KHDRBS2: variants seen among roughly 807,000 people sequenced by gnomAD.
KHDRBS2 encodes KH RNA binding domain containing, signal transduction associated 2.
Under a neutral mutation model 44.3 loss-of-function variants are expected in KHDRBS2, and 26 were observed. The observed-to-expected ratio is 0.59, with a 90% CI of 0.43 to 0.81. The LOEUF (loss-of-function observed/expected upper bound fraction) is 0.81. Among genes scored for constraint, KHDRBS2 ranks in the 40% least tolerant of loss-of-function variants. The pLI, the probability that KHDRBS2 is intolerant of heterozygous loss-of-function variation, is 0.00. For synonymous variants in KHDRBS2, 194 were observed against 151.1 expected (o/e 1.28, Z -2.08); for missense variants, 476 against 433.1 (o/e 1.10, Z -0.88).
chr6:61,863,072 TA>T (rs1233313775), intron 6 of KHDRBS2, among the ~76,000 whole-genome samples: 2 of 152,112 alleles, frequency 1.3e-5, no homozygotes, highest in African/African-American at 4.8e-5. Context: ...TTTATATGTA[TA>T]GAGGTGTTAT....
At chr6:61,861,660 G>T (rs1307892) in intron 6 of KHDRBS2, among the ~76,000 whole-genome samples, 21,665 of 147,378 alleles carry the variant, frequency 0.15, 2,141 homozygotes, top group South Asian at 0.23. Context: ...CTCCAGTTTT[G>T]TTTTTTTTTT....
chr6:61,766,055 T>C (rs1378196198), intron 6 of KHDRBS2, among the ~76,000 whole-genome samples: 2 of 152,098 alleles, frequency 1.3e-5, no homozygotes, highest in Non-Finnish European at 2.9e-5. Context: ...AGGATTGGTG[T>C]TAGTTCTTCT....
At chr6:61,954,226 T>C (rs972433152) in intron 4 of KHDRBS2, among the ~76,000 whole-genome samples, 3 of 151,820 alleles carry the variant, frequency 2.0e-5, no homozygotes, top group African/African-American at 4.8e-5. Flanking sequence ...ACTCAGTCAA[T>C]AGGGATGTGT....
intron 2 of KHDRBS2, among the ~76,000 whole-genome samples, chr6:62,070,128 A>G (rs1014439743): frequency 6.6e-6 from 1 of 151,786 alleles, no homozygotes; most frequent in Non-Finnish European, 1.5e-5. Context: ...TACAGAAGTT[A>G]AACCTATTTG....
chr6:61,847,725 T>C, intron 6 of KHDRBS2, among the ~76,000 whole-genome samples: 1 of 152,126 alleles, frequency 6.6e-6, no homozygotes, highest in East Asian at 1.9e-4. Context: ...TAAAAGTGTT[T>C]TCTTTCTCTA....
At chr6:62,074,644 G>GT (rs1243273714) in intron 2 of KHDRBS2, among the ~76,000 whole-genome samples, 1 of 151,742 alleles carries the variant, frequency 6.6e-6, no homozygotes, top group African/African-American at 2.4e-5. Flanking sequence ...GAACTTTAAA[G>GT]TTTTTAAAAA....
At chr6:61,739,056 C>A (rs1775790928) in intron 6 of KHDRBS2, among the ~76,000 whole-genome samples, 2 of 151,846 alleles carry the variant, frequency 1.3e-5, no homozygotes, top group Admixed American at 6.6e-5. Flanking sequence ...CATACAAATT[C>A]ATTAAACCTT....
chr6:62,213,636 A>T (rs1209255814), intron 1 of KHDRBS2, among the ~76,000 whole-genome samples: 1 of 151,914 alleles, frequency 6.6e-6, no homozygotes, highest in Non-Finnish European at 1.5e-5. Flanking sequence ...AAAGAATGGG[A>T]GGCTGAGACG....
the KHDRBS2 span, among the ~76,000 whole-genome samples, chr6:61,542,711 T>G: frequency 3.1e-4 from 47 of 151,980 alleles, no homozygotes; most frequent in African/African-American, 1.1e-3. Flanking sequence ...GTTTATTATT[T>G]ACAAGGCATC....
the KHDRBS2 span, among the ~76,000 whole-genome samples, chr6:61,548,251 A>T: frequency 1.3e-5 from 2 of 152,162 alleles, no homozygotes; most frequent in Admixed American, 6.6e-5. Flanking sequence ...AAGCCAAAAC[A>T]TGAGATATTT....
chr6:61,951,117 A>G (rs557327858), intron 4 of KHDRBS2, among the ~76,000 whole-genome samples: 35 of 152,188 alleles, frequency 2.3e-4, no homozygotes, highest in African/African-American at 8.4e-4. Flanking sequence ...AATACTTTCA[A>G]TATTTCAAAA....
At chr6:62,239,567 C>A (rs1289915247) in intron 1 of KHDRBS2, among the ~76,000 whole-genome samples, 1 of 110,952 alleles carries the variant, frequency 9.0e-6, no homozygotes, top group Non-Finnish European at 1.8e-5. Flanking sequence ...AGTTAGACCC[C>A]ATCTCAATTA....
chr6:62,010,081 C>A (rs1780015748), intron 3 of KHDRBS2, among the ~76,000 whole-genome samples: 1 of 152,102 alleles, frequency 6.6e-6, no homozygotes, highest in African/African-American at 2.4e-5. Context: ...CAATGCCAGC[C>A]CATGAAGGCA....
chr6:61,582,723 A>G, the KHDRBS2 span, among the ~76,000 whole-genome samples: 5 of 151,628 alleles, frequency 3.3e-5, no homozygotes, highest in African/African-American at 1.2e-4. Context: ...TTGTTTTAGA[A>G]GCACAGAGAT....
At chr6:62,042,910 G>A (rs1404670595) in intron 3 of KHDRBS2, among the ~76,000 whole-genome samples, 2 of 152,014 alleles carry the variant, frequency 1.3e-5, no homozygotes, top group Non-Finnish European at 2.9e-5. Context: ...ATAATCATGA[G>A]ACTGCTTTAA....
intron 3 of KHDRBS2, 139 bp from the exon 4 acceptor site, chr6:61,978,351 T>C (rs2127403335): frequency 1.7e-6 from 1 of 579,292 alleles, no homozygotes; most frequent in Non-Finnish European, 2.9e-6. Context: ...AGAAACCCTT[T>C]GAGAAATAAA....
chr6:61,871,215 A>G (rs1228974260), intron 6 of KHDRBS2, among the ~76,000 whole-genome samples: 1 of 152,176 alleles, frequency 6.6e-6, no homozygotes, highest in African/African-American at 2.4e-5. Flanking sequence ...AAGCATACAC[A>G]AGTATCCATA....
intron 7 of KHDRBS2, among the ~76,000 whole-genome samples, chr6:61,708,559 A>C (rs1285241070): frequency 6.6e-6 from 1 of 151,606 alleles, no homozygotes; most frequent in Non-Finnish European, 1.5e-5. Flanking sequence ...TTATTACTGT[A>C]TTATTTACTT....
intron 3 of KHDRBS2, among the ~76,000 whole-genome samples, chr6:62,007,287 T>G (rs543103575): frequency 3.3e-5 from 5 of 152,110 alleles, no homozygotes; most frequent in Non-Finnish European, 7.4e-5. Context: ...AGTTTTCTGT[T>G]TAAACAGTTT....
Sources: allele counts gnomAD v4.1 joint callset (sites outside exome capture counted in the v4.1 genomes callset), GRCh38; gene constraint gnomAD v4.1.1; transcripts MANE v1.5; gene names NCBI Gene and HGNC (gene_info 2026-07-23, HGNC 2026-07-21).